The following CACUL1 variants were observed in gnomAD, a reference collection of about 807,000 sequenced individuals.
CACUL1 encodes the protein CDK2 associated cullin domain 1, also known as CDK2-associated and cullin domain-containing protein 1.
Under a neutral mutation model 45.2 loss-of-function variants are expected in CACUL1, and 13 were observed. That is an observed-to-expected ratio of 0.29 (90% CI 0.19 to 0.46). The LOEUF is 0.46. Ranked by LOEUF, CACUL1 falls within the 20% of genes least tolerant of loss-of-function variation. The pLI is 1.00. For missense variants in CACUL1, 421 were observed against 471.4 expected (o/e 0.89, Z 0.99); for synonymous variants, 197 against 174.2 (o/e 1.13, Z -1.03).
At chr10:118,718,466 C>T (rs12411590) in intron 3 of CACUL1, among the ~76,000 whole-genome samples, 19,100 of 152,234 alleles carry the variant, frequency 0.13, 1,430 homozygotes, top group Admixed American at 0.26. Context: ...CACAGCAATG[C>T]CCATTGTTTA....
intron 3 of CACUL1, among the ~76,000 whole-genome samples, chr10:118,715,609 T>A (rs376406167): frequency 1.3e-5 from 2 of 152,202 alleles, no homozygotes; most frequent in African/African-American, 2.4e-5. Context: ...TCATTTTAAT[T>A]GTAATAGTTA....
chr10:118,734,581 G>A (rs752875014), intron 1 of CACUL1, among the ~76,000 whole-genome samples: 36 of 152,160 alleles, frequency 2.4e-4, no homozygotes, highest in Non-Finnish European at 4.6e-4. Flanking sequence ...ACCTACAGGA[G>A]CCACGCTAAT....
chr10:118,722,137 G>A (rs1845606882), intron 3 of CACUL1, among the ~76,000 whole-genome samples: 1 of 150,532 alleles, frequency 6.6e-6, no homozygotes, highest in African/African-American at 2.5e-5. Flanking sequence ...AGGCTAGAGT[G>A]CAATGGTGCG....
Position 118,728,480 on chromosome 10 carries a change from G to A in CACUL1, c.597+815C>T, listed in dbSNP as rs541896656. On this transcript the variant is annotated intron_variant, in intron 3 of 8. Transcript: ENST00000369151. ...AGGAGTGTGCAATTTTAGTAGAGAC[G>A]GGGTTTCACCATGTTGGCCAGGATG... Among the ~76,000 whole-genome samples, 12 of 151,996 alleles carry A rather than the reference G, an allele frequency of 7.9e-5. No individual in the cohort carries two copies. The East Asian group carries it at 1.4e-3, about 17-fold the overall frequency.
intron 1 of CACUL1, among the ~76,000 whole-genome samples, chr10:118,730,816 C>T (rs570325308): frequency 1.3e-5 from 2 of 152,262 alleles, no homozygotes; most frequent in Admixed American, 1.3e-4. Context: ...ATCGTGAACA[C>T]CAACAATCAA....
intron 1 of CACUL1, among the ~76,000 whole-genome samples, chr10:118,751,146 T>C (rs1845894367): frequency 6.6e-6 from 1 of 152,212 alleles, no homozygotes; most frequent in Non-Finnish European, 1.5e-5. Flanking sequence ...TGTTGATGTA[T>C]AGTAAGTAGT....
intron 1 of CACUL1, among the ~76,000 whole-genome samples, chr10:118,744,594 G>A (rs1031108708): frequency 6.6e-6 from 1 of 152,134 alleles, no homozygotes; most frequent in Admixed American, 6.5e-5. Context: ...TGTACTCAAT[G>A]TCACTGAATT....
rs370482950 is a variant in CACUL1 at position 118,719,151 on chromosome 10, A to T, written c.597+10144T>A. On this transcript the variant is annotated intron_variant, in intron 3 of 8. Coordinates refer to ENST00000369151, the MANE Select transcript of CACUL1 (RefSeq NM_153810.5). ...AAGATGGGAGAATTTCAGCAGAAAA[A>T]TGGAAACTATTTTTAAAAGAGTCAA... 3.9e-5 allele frequency among the ~76,000 whole-genome samples: 6 copies of T among 152,374 alleles called. No homozygotes were observed. The South Asian group carries it at 1.0e-3, about 26-fold the overall frequency.
chr10:118,699,052 T>G (rs1264883079), intron 5 of CACUL1, among the ~76,000 whole-genome samples: 3 of 152,240 alleles, frequency 2.0e-5, no homozygotes, highest in Non-Finnish European at 4.4e-5. Context: ...AGGTAATGAC[T>G]ATACCTATCT....
intron 5 of CACUL1, among the ~76,000 whole-genome samples, chr10:118,698,654 C>T (rs117045692): frequency 4.6e-5 from 7 of 152,156 alleles, no homozygotes; most frequent in Non-Finnish European, 8.8e-5. Context: ...CTACCAGCCA[C>T]GTGAATGAGT....
rs374277121 is a variant in CACUL1, at chr10:118,696,344, G to A, written c.797-1114C>T. On this transcript the variant is annotated intron_variant, in intron 5 of 8. Transcript: ENST00000369151. ...TTAAAAAAAAATTGCAAAAAAACTC[G>A]TTTTAAGAAAATTTACAGGCTGGCA... is the stretch of plus-strand genomic sequence containing the variant. Among the ~76,000 whole-genome samples the A allele has an allele frequency of 3.7e-4, 56 of 152,174 alleles. No homozygotes were observed. The East Asian group carries it at 9.7e-3, about 26-fold the overall frequency.
rs921213926 is a variant in CACUL1 at position 118,677,697 on chromosome 10, T to C, written c.*8431A>G. ...CATGTTGAAGCCCGCAGTGGTATGA[T>C]GCCTTGACCACTCTAGAGAATTCCA... On this transcript the variant is annotated 3_prime_UTR_variant, in exon 9 of 9. Transcript: ENST00000369151. 1.3e-5 allele frequency: 2 copies of C among 152,242 alleles called. No individual in the cohort carries two copies. The highest frequency in any genetic ancestry group is 2.9e-5 in the Non-Finnish European group (2 of 68,036). The allele number at this position is 152,242 out of a possible 1,614,324, so 9.4% of individuals were successfully genotyped here. A position where few individuals can be genotyped will look rare whatever the true frequency, so the allele number is the denominator to read the frequency against.
chr10:118,753,200 G>A (rs1213819426), intron 1 of CACUL1, among the ~76,000 whole-genome samples: 1 of 152,188 alleles, frequency 6.6e-6, no homozygotes, highest in Admixed American at 6.5e-5. Flanking sequence ...ATATAAACAT[G>A]ATTATCATGA....
intron 5 of CACUL1, among the ~76,000 whole-genome samples, chr10:118,699,664 G>A (rs940762295): frequency 3.4e-5 from 5 of 146,994 alleles, no homozygotes; most frequent in African/African-American, 1.3e-4. Context: ...TTTTTTTTGA[G>A]ACAGGAGTCT....
At position 118,717,016 on chromosome 10, in the gene CACUL1, G is replaced by A. The variant is rs1473823960; in HGVS notation, c.598-9429C>T. Among the ~76,000 whole-genome samples the A allele has an allele frequency of 3.9e-5, 6 of 152,246 alleles. No individual in the cohort carries two copies. In the South Asian group the frequency reaches 6.2e-4, roughly 16 times the overall value. On this transcript the variant is annotated intron_variant, in intron 3 of 8. Transcript: ENST00000369151. ...TGGACCTCAAAGAATGCTTCTCTCC[G>A]AATCACCTGAAGGGACTGGTAATGA...
chr10:118,749,031 G>C (rs1008861815), intron 1 of CACUL1, among the ~76,000 whole-genome samples: 5 of 152,082 alleles, frequency 3.3e-5, no homozygotes, highest in African/African-American at 1.2e-4. Context: ...TATGAAGAAA[G>C]GAATATAAAT....
At chr10:118,731,345 C>CA (rs549276532) in intron 1 of CACUL1, among the ~76,000 whole-genome samples, 332 of 152,248 alleles carry the variant, frequency 2.2e-3, no homozygotes, top group Non-Finnish European at 3.8e-3. Context: ...TCAGAGATAC[C>CA]AGGTAAAGCA....
chr10:118,754,846 G>C lies in CACUL1; in HGVS notation c.-84C>G, dbSNP rs753483388. ...GGCCAGCGGGCACCGCTGCCTCCCC[G>C]AGTTACATCGCCGGCGGCAGGAATG... On this transcript the variant is annotated 5_prime_UTR_variant, in exon 1 of 9. Transcript: ENST00000369151. 2.7e-6 allele frequency: 4 copies of C among 1,476,218 alleles called. No individual in the cohort carries two copies. The highest frequency in any genetic ancestry group is 3.6e-6 in the Non-Finnish European group (4 of 1,110,916). The allele number at this position is 1,476,218 out of a possible 1,614,324, so 91.4% of individuals were successfully genotyped here.
In CACUL1 at chr10:118,754,892, G is replaced by C; in HGVS notation, c.-130C>G. ...GAATGGGCGCAGCGGAGAGGGCTGC[G>C]GTGCGCAGGGTCTCTCGCTCTCCGC... On this transcript the variant is annotated 5_prime_UTR_variant, in exon 1 of 9. Coordinates refer to ENST00000369151, the MANE Select transcript of CACUL1 (RefSeq NM_153810.5). 1.6e-6 allele frequency: 2 copies of C among 1,281,036 alleles called. No homozygotes were observed. Among genetic ancestry groups the C allele is most frequent in the Non-Finnish European group, 1.1e-6 (1 of 947,344 alleles). The allele number at this position is 1,281,036 out of a possible 1,614,324, so 79.4% of individuals were successfully genotyped here. A position where few individuals can be genotyped will look rare whatever the true frequency, so the allele number is the denominator to read the frequency against.
Sources: gnomAD v4.1 joint callset for allele counts (sites outside exome capture counted in the v4.1 genomes callset) on GRCh38, gnomAD v4.1.1 for gene constraint, MANE v1.5 for transcripts, NCBI Gene and HGNC (gene_info 2026-07-23, HGNC 2026-07-21) for gene names.